Variants in PLCB1 observed in about 807,000 individuals in gnomAD.
PLCB1 encodes phospholipase C beta 1, also known as 1-phosphatidylinositol 4,5-bisphosphate phosphodiesterase beta-1.
In PLCB1, 46 loss-of-function variants were observed where a neutral mutation model predicts 161.8. That is an observed-to-expected ratio of 0.28 (90% CI 0.22 to 0.36). The LOEUF is 0.36. Among genes scored for constraint, PLCB1 ranks in the 10% least tolerant of loss-of-function variants. The pLI is 1.00. For synonymous variants in PLCB1, 517 were observed against 503.7 expected (o/e 1.03, Z -0.35); for missense variants, 1,016 against 1,472.5 (o/e 0.69, Z 5.07).
At chr20:8,141,317 T>C (rs1404614789) in intron 1 of PLCB1, among the ~76,000 whole-genome samples, 2 of 152,148 alleles carry the variant, frequency 1.3e-5, no homozygotes, top group Non-Finnish European at 2.9e-5. Context: ...GAAAACCTCA[T>C]TGCTGCTTTG....
intron 1 of PLCB1, among the ~76,000 whole-genome samples, chr20:8,141,086 G>A (rs553177945): frequency 2.0e-5 from 3 of 152,230 alleles, no homozygotes; most frequent in East Asian, 1.9e-4. Flanking sequence ...GTGAGCCACC[G>A]AACGTGGCCA....
At chr20:8,712,376 G>T (rs1359020793) in intron 12 of PLCB1, among the ~76,000 whole-genome samples, 1 of 152,098 alleles carries the variant, frequency 6.6e-6, no homozygotes, top group Non-Finnish European at 1.5e-5. Context: ...AATATCTGAA[G>T]TCACCTATCC....
At position 8,339,406 on chromosome 20, in the gene PLCB1, T is replaced by C. The variant is rs913909283; in HGVS notation, c.178-31976T>C. Reference sequence around the variant, plus strand: ...CTGGGGACAGGAGGCAATGGAATTATGGAGATAGTGTATTGGAGAGGTAAT... The same window carrying C: ...CTGGGGACAGGAGGCAATGGAATTACGGAGATAGTGTATTGGAGAGGTAAT... On this transcript the variant is annotated intron_variant, in intron 2 of 31. Coordinates refer to ENST00000338037, the MANE Select transcript of PLCB1 (RefSeq NM_015192.4). 1.1e-4 allele frequency among the ~76,000 whole-genome samples: 17 copies of C among 152,286 alleles called. No homozygotes were observed. In the East Asian group the frequency reaches 2.7e-3, roughly 24 times the overall value.
intron 2 of PLCB1, among the ~76,000 whole-genome samples, chr20:8,240,420 C>T (rs999528269): frequency 1.3e-5 from 2 of 151,888 alleles, no homozygotes; most frequent in African/African-American, 4.8e-5. Context: ...TTTTGCATAT[C>T]AGTATGCCTA....
At chr20:8,859,809 G>A (rs1474500199) in intron 31 of PLCB1, among the ~76,000 whole-genome samples, 1 of 151,570 alleles carries the variant, frequency 6.6e-6, no homozygotes, top group Non-Finnish European at 1.5e-5. Flanking sequence ...GTGAAACCTG[G>A]AAAATACAGT....
chr20:8,647,504 A>G (rs1462602968), intron 5 of PLCB1, among the ~76,000 whole-genome samples: 1 of 152,242 alleles, frequency 6.6e-6, no homozygotes, highest in Non-Finnish European at 1.5e-5. Flanking sequence ...GCATCCATCA[A>G]CAGTGACCTA....
intron 2 of PLCB1, among the ~76,000 whole-genome samples, chr20:8,278,830 A>G (rs1335476100): frequency 6.6e-6 from 1 of 152,140 alleles, no homozygotes; most frequent in African/African-American, 2.4e-5. Flanking sequence ...AATTCCAGGT[A>G]TGCACTGTTG....
At chr20:8,171,030 A>G (rs1025521941) in intron 2 of PLCB1, among the ~76,000 whole-genome samples, 3 of 152,162 alleles carry the variant, frequency 2.0e-5, no homozygotes, top group Non-Finnish European at 2.9e-5. Context: ...TCTCCCACTT[A>G]CATTTTGAAT....
intron 3 of PLCB1, among the ~76,000 whole-genome samples, chr20:8,521,025 G>T (rs1984324445): frequency 6.6e-6 from 1 of 152,034 alleles, no homozygotes; most frequent in Non-Finnish European, 1.5e-5. Flanking sequence ...AAAATCACAG[G>T]CAATAGCAGA....
chr20:8,599,066 G>A (rs2123131788), intron 3 of PLCB1, among the ~76,000 whole-genome samples: 1 of 146,200 alleles, frequency 6.8e-6, no homozygotes, highest in South Asian at 2.2e-4. Flanking sequence ...TTGCCAGTCT[G>A]TGTCTTTTAA....
At chr20:8,307,602 A>G (rs894605073) in intron 2 of PLCB1, among the ~76,000 whole-genome samples, 13 of 151,958 alleles carry the variant, frequency 8.6e-5, no homozygotes, top group Admixed American at 8.5e-4. Flanking sequence ...ACCTAATCCC[A>G]ATTAATCATT....
At chr20:8,391,823 A>ATATT (rs1987612721) in intron 3 of PLCB1, among the ~76,000 whole-genome samples, 7 of 131,932 alleles carry the variant, frequency 5.3e-5, no homozygotes, top group African/African-American at 1.9e-4. Context: ...ATATATATAT[A>ATATT]TACACACACA....
intron 31 of PLCB1, among the ~76,000 whole-genome samples, chr20:8,870,053 G>A (rs1281512949): frequency 6.6e-5 from 10 of 152,146 alleles, no homozygotes; most frequent in Non-Finnish European, 7.3e-5. Flanking sequence ...CAATGTCATC[G>A]CATGACCACA....
chr20:8,669,711 C>A (rs2123357546), intron 9 of PLCB1, among the ~76,000 whole-genome samples: 1 of 152,278 alleles, frequency 6.6e-6, no homozygotes, highest in East Asian at 1.9e-4. Flanking sequence ...AACTGGCATT[C>A]CATGCTGTGC....
chr20:8,458,299 T>A (rs1981418690), intron 3 of PLCB1, among the ~76,000 whole-genome samples: 1 of 152,242 alleles, frequency 6.6e-6, no homozygotes, highest in African/African-American at 2.4e-5. Context: ...TCATATATTG[T>A]CTGGCCATTG....
intron 22 of PLCB1, 57 bp downstream of exon 22, chr20:8,740,505 C>A: frequency 1.0e-6 from 1 of 997,746 alleles, no homozygotes; most frequent in Non-Finnish European, 1.5e-6. Flanking sequence ...GTCTGAGTCA[C>A]CATATATTTT....
chr20:8,832,846 A>G (rs915186088), intron 31 of PLCB1, among the ~76,000 whole-genome samples: 1 of 152,198 alleles, frequency 6.6e-6, no homozygotes, highest in African/African-American at 2.4e-5. Context: ...GCGAGGGTTT[A>G]GTTGTCTTGA....
intron 2 of PLCB1, among the ~76,000 whole-genome samples, chr20:8,164,321 A>C (rs2051655312): frequency 6.6e-6 from 1 of 152,236 alleles, no homozygotes; most frequent in Non-Finnish European, 1.5e-5. Flanking sequence ...AGATCAAGGC[A>C]GTGAGCATTG....
At chr20:8,371,289 C>T (rs1568650548) in intron 2 of PLCB1, 93 bp from the exon 3 acceptor site, 1 of 765,928 alleles carries the variant, frequency 1.3e-6, no homozygotes, top group Non-Finnish European at 2.2e-6. Context: ...TCAGTCAAGT[C>T]TCAAGATAAT....
Sources: gnomAD v4.1 joint callset for allele counts (sites outside exome capture counted in the v4.1 genomes callset) on GRCh38, gnomAD v4.1.1 for gene constraint, MANE v1.5 for transcripts, NCBI Gene and HGNC (gene_info 2026-07-23, HGNC 2026-07-21) for gene names.